Variants in GRM7 observed in about 807,000 individuals in gnomAD.
The protein encoded by GRM7 is glutamate metabotropic receptor 7.
A neutral mutation model predicts 84.5 loss-of-function variants in GRM7; 35 were observed. That is an observed-to-expected ratio of 0.41 (90% CI 0.32 to 0.55). The LOEUF (loss-of-function observed/expected upper bound fraction) is 0.55, where lower values mean the gene tolerates loss of function less well. GRM7 is among the 20% of genes least tolerant of loss of function. GRM7 has a pLI of 0.19. For synonymous variants in GRM7, 487 were observed against 455.1 expected (o/e 1.07, Z -0.89); for missense variants, 1,003 against 1,194.6 (o/e 0.84, Z 2.36).
intron 1 of GRM7, among the ~76,000 whole-genome samples, chr3:6,864,507 A>G (rs1574940707): frequency 6.6e-6 from 1 of 152,166 alleles, no homozygotes; most frequent in Admixed American, 6.5e-5. Flanking sequence ...GGAGAGAAAA[A>G]GGATATAGTG....
In GRM7 at chr3:7,579,180, C is replaced by G; in HGVS notation, c.2274C>G (p.Cys758Trp). ...KCDITDLQIICSLGYSILLMV... is the reference protein window; with the variant it reads ...KCDITDLQIIWSLGYSILLMV... ...ACATTACAGATCTCCAAATCATTTG[C>G]TCCTTGGGATATAGCATTCTTCTCA... is the stretch of plus-strand genomic sequence containing the variant. Residue 758 changes from cysteine to tryptophan, a missense_variant, in exon 8 of 10, where the codon TGC becomes TGG. By Grantham distance (215) the Cys-to-Trp change is radical. Around this residue, in one of 2 missense-constraint regions of GRM7, gnomAD observed 910 missense variants for 1,126.0 expected, o/e 0.81. Coordinates refer to ENST00000357716, the MANE Select transcript of GRM7 (RefSeq NM_000844.4). The G allele has an allele frequency of 6.2e-7, 1 of 1,613,922 alleles. No individual in the cohort carries two copies. The highest frequency in any genetic ancestry group is 8.5e-7 in the Non-Finnish European group (1 of 1,179,852).
chr3:7,225,262 A>G (rs1156238453), intron 2 of GRM7, among the ~76,000 whole-genome samples: 2 of 151,330 alleles, frequency 1.3e-5, no homozygotes, highest in Admixed American at 6.6e-5. Context: ...ACTGATACCA[A>G]TTTACAATAT....
chr3:7,313,105 T>G (rs1178659936), intron 4 of GRM7, among the ~76,000 whole-genome samples: 1 of 151,950 alleles, frequency 6.6e-6, no homozygotes, highest in Non-Finnish European at 1.5e-5. Context: ...GTTTTTGTAT[T>G]TTTAGTAGAG....
chr3:7,275,601 G>A (rs1048740146), intron 2 of GRM7, among the ~76,000 whole-genome samples: 3 of 152,044 alleles, frequency 2.0e-5, no homozygotes, highest in Non-Finnish European at 4.4e-5. Flanking sequence ...TAGAGCTGGC[G>A]GTAGTTGGGG....
intron 2 of GRM7, among the ~76,000 whole-genome samples, chr3:7,148,214 T>C (rs1360769643): frequency 6.6e-6 from 1 of 152,214 alleles, no homozygotes; most frequent in African/African-American, 2.4e-5. Flanking sequence ...TTTTCTTTCT[T>C]TCTTTGTTTT....
At chr3:7,392,011 T>G (rs953655992) in intron 4 of GRM7, among the ~76,000 whole-genome samples, 22 of 152,192 alleles carry the variant, frequency 1.4e-4, no homozygotes, top group Non-Finnish European at 3.1e-4. Flanking sequence ...TCTTGAGTTT[T>G]GGTGGTGCCA....
intron 1 of GRM7, among the ~76,000 whole-genome samples, chr3:7,102,211 A>G (rs566803923): frequency 2.6e-5 from 4 of 151,810 alleles, no homozygotes; most frequent in African/African-American, 4.8e-5. Context: ...TCTGCTGCCA[A>G]CCTTCTCAGC....
intron 7 of GRM7, among the ~76,000 whole-genome samples, chr3:7,514,207 A>T (rs1391473076): frequency 6.6e-6 from 1 of 152,248 alleles, no homozygotes; most frequent in Admixed American, 6.5e-5. Context: ...ATTGTAACAC[A>T]TCCTATACAA....
chr3:6,985,369 C>G (rs755510283), intron 1 of GRM7, among the ~76,000 whole-genome samples: 40 of 152,088 alleles, frequency 2.6e-4, no homozygotes, highest in Non-Finnish European at 4.7e-4. Flanking sequence ...ACTACCCTTC[C>G]CAGCCTCTGG....
intron 1 of GRM7, among the ~76,000 whole-genome samples, chr3:7,074,837 A>G (rs1698007679): frequency 6.6e-6 from 1 of 152,190 alleles, no homozygotes; most frequent in East Asian, 1.9e-4. Flanking sequence ...CCAAGTTTAA[A>G]TGCAGGGACA....
chr3:7,272,838 C>A (rs959318900), intron 2 of GRM7, among the ~76,000 whole-genome samples: 3 of 151,594 alleles, frequency 2.0e-5, no homozygotes, highest in African/African-American at 7.3e-5. Flanking sequence ...GATATGTTTT[C>A]AATTTCATTG....
chr3:7,269,993 T>G (rs1180214510), intron 2 of GRM7, among the ~76,000 whole-genome samples: 3 of 152,210 alleles, frequency 2.0e-5, no homozygotes, highest in Admixed American at 1.3e-4. Context: ...AACTTTAGCA[T>G]GCATCAGAAT....
At chr3:7,399,179 CAATAAT>C (rs146619960) in intron 4 of GRM7, among the ~76,000 whole-genome samples, 60,324 of 146,030 alleles carry the variant, frequency 0.41, 13,031 homozygotes, top group Non-Finnish European at 0.49. Flanking sequence ...ACAACAAGAA[CAATAAT>C]AATAATAATA....
At chr3:7,623,348 T>G (rs997945479) in intron 8 of GRM7, among the ~76,000 whole-genome samples, 1 of 152,168 alleles carries the variant, frequency 6.6e-6, no homozygotes, top group Non-Finnish European at 1.5e-5. Context: ...CCAATGTCTC[T>G]TCATTGAAGA....
chr3:7,200,699 A>T (rs1435611532), intron 2 of GRM7, among the ~76,000 whole-genome samples: 1 of 152,190 alleles, frequency 6.6e-6, no homozygotes, highest in Non-Finnish European at 1.5e-5. Context: ...TTCCCCAGTG[A>T]TAATGACGCT....
At chr3:7,041,077 CT>C (rs1485489211) in intron 1 of GRM7, among the ~76,000 whole-genome samples, 2 of 122,968 alleles carry the variant, frequency 1.6e-5, no homozygotes, top group Middle Eastern at 4.4e-3. Context: ...GAGACCCTGT[CT>C]CAAAAAAAAA....
intron 1 of GRM7, among the ~76,000 whole-genome samples, chr3:6,991,525 G>T (rs144274979): frequency 1.3e-5 from 2 of 152,274 alleles, no homozygotes; most frequent in East Asian, 1.9e-4. Flanking sequence ...TACAGCTAAA[G>T]TTAAGAGTCA....
intron 1 of GRM7, among the ~76,000 whole-genome samples, chr3:6,897,841 G>C (rs538686916): frequency 1.3e-5 from 2 of 152,196 alleles, no homozygotes. Context: ...GTCAGCAAAA[G>C]CTTGGCCACT....
intron 1 of GRM7, among the ~76,000 whole-genome samples, chr3:6,887,181 G>T (rs545916581): frequency 6.6e-6 from 1 of 151,514 alleles, no homozygotes; most frequent in South Asian, 2.1e-4. Flanking sequence ...AAGGAAAGTT[G>T]ACTCTCTTTA....
Sources: gnomAD v4.1 joint callset for allele counts (sites outside exome capture counted in the v4.1 genomes callset) on GRCh38, gnomAD v4.1.1 for gene constraint, gnomAD v4.1.1 regional missense constraint, MANE v1.5 for transcripts, NCBI Gene and HGNC (gene_info 2026-07-23, HGNC 2026-07-21) for gene names.